SPEF2: variants seen among roughly 807,000 people sequenced by gnomAD.
The protein encoded by SPEF2 is sperm flagellar and cilia associated 2, also known as sperm flagella and cilia-associated protein 2.
In SPEF2, 187 loss-of-function variants were observed where a neutral mutation model predicts 224.6. The ratio of observed to expected loss-of-function variants is 0.83; its 90% CI spans 0.74 to 0.94. The LOEUF is 0.94. Ranked by LOEUF, SPEF2 falls within the 40% of genes least tolerant of loss-of-function variation. SPEF2 has a pLI of 0.00. For missense variants in SPEF2, 2,170 were observed against 2,135.6 expected (o/e 1.02, Z -0.32); for synonymous variants, 715 against 707.3 (o/e 1.01, Z -0.17).
chr5:35,639,061 T>G (rs533090127), intron 2 of SPEF2, among the ~76,000 whole-genome samples: 3 of 152,188 alleles, frequency 2.0e-5, no homozygotes, highest in African/African-American at 7.2e-5. Flanking sequence ...ACAAAGGCCT[T>G]TTTACAAGGA....
chr5:35,796,242 T>C (rs565038294), intron 33 of SPEF2, among the ~76,000 whole-genome samples: 5 of 152,330 alleles, frequency 3.3e-5, no homozygotes, highest in Non-Finnish European at 7.3e-5. Context: ...GCTCTCACTA[T>C]TATTATTATC....
rs1207514861 is a variant in SPEF2, at chr5:35,776,313, G to A, written c.4135G>A (p.Glu1379Lys). ...AAAGACAAAAGCATTGGCTCTTCTT[G>A]AAGATTTAGTAACAAAGGTGGTTGA... Reference protein sequence around the residue: ...LIKTKALALLEDLVTKVVDVY... With the variant: ...LIKTKALALLKDLVTKVVDVY... Residue 1379 changes from glutamate to lysine, a missense_variant, in exon 29 of 37, where the codon GAA becomes AAA. Physicochemically the swap from Glu to Lys is moderately conservative, Grantham distance 56. Transcript: ENST00000356031. 6.2e-6 allele frequency: 10 copies of A among 1,612,520 alleles called. No homozygotes were observed. Among genetic ancestry groups the A allele is most frequent in the Admixed American group, 1.7e-5 (1 of 59,682 alleles).
Position 35,751,096 on chromosome 5 carries a change from C to CACATAT in SPEF2, c.3331-2527_3331-2526insCATATA, listed in dbSNP as rs1554048857. 9.1e-4 allele frequency among the ~76,000 whole-genome samples: 28 copies of CACATAT among 30,612 alleles called. 1 individual carries two copies. The highest frequency in any genetic ancestry group is 2.1e-3 in the Admixed American group (5 of 2,384). 20.1% of individuals were successfully genotyped at this position (30,612 alleles called of 152,430 possible). A position where few individuals can be genotyped will look rare whatever the true frequency, so the allele number is the denominator to read the frequency against. On this transcript the variant is annotated intron_variant, in intron 23 of 36. Transcript: ENST00000356031. ...ATATATATACACACACACACACACACATATATATATATATATATATATGAT... is the reference window on the plus strand; with the variant it reads ...ATATATATACACACACACACACACACACATATATATATATATATATATATATATGAT...
chr5:35,787,260 CTT>C (rs542133921), intron 30 of SPEF2, among the ~76,000 whole-genome samples: 27 of 140,964 alleles, frequency 1.9e-4, no homozygotes, highest in Admixed American at 3.6e-4. Context: ...GCTTCACACC[CTT>C]TTTTTTTTTT....
At chr5:35,706,558 C>A (rs1739814680) in intron 18 of SPEF2, among the ~76,000 whole-genome samples, 1 of 151,940 alleles carries the variant, frequency 6.6e-6, no homozygotes, top group Admixed American at 6.6e-5. Context: ...TCAATTACCC[C>A]AAATTATATT....
rs559433909 is a variant in SPEF2, at chr5:35,628,004, T to C, written c.59-456T>C. Among the ~76,000 whole-genome samples the C allele has an allele frequency of 7.2e-5, 11 of 152,316 alleles. No individual in the cohort carries two copies. In the East Asian group the frequency reaches 1.9e-3, roughly 27 times the overall value. On this transcript the variant is annotated intron_variant, in intron 1 of 36. Coordinates refer to ENST00000356031, the MANE Select transcript of SPEF2 (RefSeq NM_024867.4). ...AGGTGCAAATGGCTTTAGTAAACTT[T>C]CCATTGTTTTGCAGGTTAAAATGAG...
At position 35,654,530 on chromosome 5, in the gene SPEF2, T is replaced by C; in HGVS notation, c.792-10T>C. ...ATTTAAAAATCTAAAATAAAAACTA[T>C]TATTCTTAGTGCATCCAAGACTTCT... On this transcript the variant is annotated splice_polypyrimidine_tract_variant and intron_variant, in intron 6 of 36. Transcript: ENST00000356031. 3.2e-6 allele frequency: 5 copies of C among 1,550,238 alleles called. No homozygotes were observed. Among genetic ancestry groups the C allele is most frequent in the Non-Finnish European group, 4.3e-6 (5 of 1,155,688 alleles).
intron 1 of SPEF2, among the ~76,000 whole-genome samples, chr5:35,627,818 A>G (rs1029122997): frequency 3.1e-4 from 47 of 152,178 alleles, no homozygotes; most frequent in Admixed American, 6.5e-5. Context: ...CACAGCTAGT[A>G]AGGGGCAGAG....
chr5:35,789,197 A>G (rs1364531063), intron 30 of SPEF2: 2 of 702,980 alleles, frequency 2.8e-6, no homozygotes, highest in East Asian at 5.4e-5. Context: ...AAAGAAACCC[A>G]AAGAACTTCT....
At chr5:35,692,510 G>A in intron 11 of SPEF2, 60 bp from the exon 12 acceptor site, 1 of 1,369,816 alleles carries the variant, frequency 7.3e-7, no homozygotes, top group Non-Finnish European at 1.0e-6. Flanking sequence ...AGCACATAAA[G>A]ACAACAATTT....
chr5:35,703,464 C>T (rs1580355768), intron 16 of SPEF2, among the ~76,000 whole-genome samples: 1 of 152,072 alleles, frequency 6.6e-6, no homozygotes, highest in East Asian at 1.9e-4. Flanking sequence ...TACAGGAGTG[C>T]TGGAAAGTTT....
intron 30 of SPEF2, among the ~76,000 whole-genome samples, chr5:35,782,492 C>G (rs1166239861): frequency 6.6e-6 from 1 of 152,000 alleles, no homozygotes; most frequent in Non-Finnish European, 1.5e-5. Flanking sequence ...CATATAACAG[C>G]CATTATGTTA....
At chr5:35,642,429 T>C (rs1746735728) in intron 3 of SPEF2, among the ~76,000 whole-genome samples, 1 of 152,152 alleles carries the variant, frequency 6.6e-6, no homozygotes, top group Admixed American at 6.5e-5. Context: ...CCTTTGGAAC[T>C]CTAGAGCATA....
chr5:35,670,416 A>C, intron 10 of SPEF2, 189 bp downstream of exon 10: 2 of 1,268,410 alleles, frequency 1.6e-6, no homozygotes, highest in Non-Finnish European at 2.0e-6. Context: ...GCTATTATCT[A>C]TTGTTCCTAG....
intron 21 of SPEF2, among the ~76,000 whole-genome samples, chr5:35,737,135 A>G (rs1424442929): frequency 6.6e-6 from 1 of 151,938 alleles, no homozygotes; most frequent in African/African-American, 2.4e-5. Context: ...TTTTTTTGTC[A>G]TATCCTCATT....
At chr5:35,737,883 C>T (rs1351499931) in intron 21 of SPEF2, among the ~76,000 whole-genome samples, 1 of 152,038 alleles carries the variant, frequency 6.6e-6, no homozygotes, top group Non-Finnish European at 1.5e-5. Context: ...CTGTTGTTTC[C>T]TGACTTTTTA....
chr5:35,702,241 C>G, intron 16 of SPEF2: 1 of 456,160 alleles, frequency 2.2e-6, no homozygotes, highest in Non-Finnish European at 4.4e-6. Flanking sequence ...TATGGAGGAA[C>G]CTGAAGAACA....
chr5:35,790,090 A>G (rs1561369715), intron 30 of SPEF2: 2 of 702,946 alleles, frequency 2.8e-6, no homozygotes, highest in Non-Finnish European at 5.2e-6. Flanking sequence ...AAGTATCCAA[A>G]TATCCTGACA....
Position 35,714,676 on chromosome 5 carries a change from T to TTGTTTA in SPEF2, c.2914+1791_2914+1792insGTTTAT, listed in dbSNP as rs1298868633. ...GGTTAGGTTGGTTTGTCTTTTGGGT[T>TTGTTTA]TATTTTTATTTATTTATTTATTTAT... On this transcript the variant is annotated intron_variant, in intron 20 of 36. Transcript: ENST00000356031. 5.2e-4 allele frequency among the ~76,000 whole-genome samples: 63 copies of TTGTTTA among 120,204 alleles called. 1 individual carries two copies. In the East Asian group the frequency reaches 0.015, roughly 29 times the overall value. The allele number at this position is 120,204 out of a possible 152,430, so 78.9% of individuals were successfully genotyped here.
Sources: gnomAD v4.1 joint callset for allele counts (sites outside exome capture counted in the v4.1 genomes callset) on GRCh38, gnomAD v4.1.1 for gene constraint, MANE v1.5 for transcripts, NCBI Gene and HGNC (gene_info 2026-07-23, HGNC 2026-07-21) for gene names.